Variants in AMPD3 observed in about 807,000 individuals in gnomAD.
AMPD3 encodes AMP deaminase 3.
A neutral mutation model predicts 82.3 loss-of-function variants in AMPD3; 57 were observed. The observed-to-expected ratio is 0.69, with a 90% confidence interval of 0.56 to 0.86. AMPD3 has a LOEUF of 0.86. AMPD3 is among the 40% of genes least tolerant of loss of function. AMPD3 has a pLI of 0.00. For missense variants in AMPD3, 870 were observed against 1,003.8 expected, an observed-to-expected ratio of 0.87 and a Z score of 1.80; for synonymous variants, 381 against 394.7, an observed-to-expected ratio of 0.97 and a Z score of 0.41.
chr11:10,488,321 C>G, intron 6 of AMPD3: 1 of 985,444 alleles, frequency 1.0e-6, no homozygotes, highest in South Asian at 4.7e-5. Flanking sequence ...TCCTGTCAAC[C>G]AGGTGGCTTT....
chr11:10,500,709 G>A, intron 11 of AMPD3: 5 of 984,862 alleles, frequency 5.1e-6, no homozygotes, highest in Non-Finnish European at 6.0e-6. Context: ...CATGCGATAG[G>A]CATTGCCCTG....
rs538987157 is a variant in AMPD3, at chr11:10,501,324, A to C, written c.1722-146A>C. The C allele has an allele frequency of 1.7e-4, 243 of 1,446,614 alleles. 5 individuals are homozygous for C. In the South Asian group the frequency reaches 3.3e-3, roughly 20 times the overall value. The allele number at this position is 1,446,614 out of a possible 1,614,324, so 89.6% of individuals were successfully genotyped here. The stretch of plus-strand genomic sequence containing the variant: ...AGGGCCTGGACCTCTGCATTTTAGG[A>C]GGGGTAGTTTCCAGGGTGCACTGGG... On this transcript the variant is annotated intron_variant, in intron 11 of 14. Coordinates refer to ENST00000396553, the MANE Select transcript of AMPD3 (RefSeq NM_001025389.2).
At chr11:10,481,345 T>A (rs1444164421) in intron 3 of AMPD3, 4 of 711,898 alleles carry the variant, frequency 5.6e-6, no homozygotes, top group Non-Finnish European at 6.9e-6. Flanking sequence ...CAACTGAAAA[T>A]GACGGTGCTC....
intron 2 of AMPD3, among the ~76,000 whole-genome samples, chr11:10,467,378 T>C (rs556265115): frequency 3.7e-4 from 57 of 152,148 alleles, no homozygotes; most frequent in African/African-American, 1.2e-3. Context: ...CATTCACAAG[T>C]ATGAATAGCT....
rs755713535 is a variant in AMPD3, at chr11:10,493,543, G to A, written c.1134G>A (p.Ala378=). 15 of 1,613,816 alleles carry A rather than the reference G, an allele frequency of 9.3e-6. No homozygotes were observed. Among genetic ancestry groups the A allele is most frequent in the Middle Eastern group, 1.7e-4 (1 of 6,060 alleles). Residue 378 remains alanine, a splice_region_variant and synonymous_variant, in exon 7 of 15, where the codon GCG becomes GCA. Transcript: ENST00000396553. The part of the protein sequence containing the change: ...DLTVDSLDVH[A]GRQTFHRFDK... Reference sequence around the variant, plus strand: ...CTGTGGACTCACTGGATGTCCACGCGGTGAGTGAGCTTCTGCTCCAGTGCC... The same window carrying A: ...CTGTGGACTCACTGGATGTCCACGCAGTGAGTGAGCTTCTGCTCCAGTGCC...
intron 6 of AMPD3, among the ~76,000 whole-genome samples, chr11:10,491,306 G>T (rs1384646146): frequency 1.3e-5 from 2 of 152,134 alleles, no homozygotes; most frequent in Non-Finnish European, 2.9e-5. Flanking sequence ...GCTTAGCTGG[G>T]GCTTCATTTC....
intron 13 of AMPD3, among the ~76,000 whole-genome samples, chr11:10,503,415 C>G (rs1446087781): frequency 1.3e-5 from 2 of 152,048 alleles, no homozygotes; most frequent in Admixed American, 1.3e-4. Flanking sequence ...GCAAGTATAC[C>G]CAGCATGTTT....
At chr11:10,460,186 C>T (rs1009775000) in intron 1 of AMPD3, among the ~76,000 whole-genome samples, 4 of 151,282 alleles carry the variant, frequency 2.6e-5, no homozygotes, top group Non-Finnish European at 5.9e-5. Flanking sequence ...CAGCCTCAAC[C>T]TCCCTGGCTC....
chr11:10,456,063 T>A lies in AMPD3; in HGVS notation c.-6+615T>A. The A allele has an allele frequency of 9.2e-7, 1 of 1,084,244 alleles. No individual in the cohort carries two copies. The highest frequency in any genetic ancestry group is 1.1e-6 in the Non-Finnish European group (1 of 892,582). 67.2% of individuals were successfully genotyped at this position (1,084,244 alleles called of 1,614,324 possible). A position where few individuals can be genotyped will look rare whatever the true frequency, so the allele number is the denominator to read the frequency against. On this transcript the variant is annotated intron_variant, in intron 1 of 14. Coordinates refer to ENST00000396553, the MANE Select transcript of AMPD3 (RefSeq NM_001025389.2). The surrounding 1 kb of genome is among the most constrained non-coding windows in gnomAD (Gnocchi z 4.3). Reference sequence around the variant, plus strand: ...AGAGGAAGCCGCCGCTTTAGTTTCCTCTTGTGAGGGCTGTGAAGAGGGCCA... The same window carrying A: ...AGAGGAAGCCGCCGCTTTAGTTTCCACTTGTGAGGGCTGTGAAGAGGGCCA...
At chr11:10,500,653 A>C in intron 11 of AMPD3, 1 of 985,440 alleles carries the variant, frequency 1.0e-6, no homozygotes, top group Non-Finnish European at 1.2e-6. Context: ...CCACACCAAC[A>C]ATGTCCACAC....
At chr11:10,478,473 T>C in intron 2 of AMPD3, 53 bp from the exon 3 acceptor site, 1 of 1,606,290 alleles carries the variant, frequency 6.2e-7, no homozygotes, top group East Asian at 2.2e-5. Flanking sequence ...TCTTTATCAC[T>C]CACCCCAATT....
At chr11:10,450,761 C>A, upstream of AMPD3, 1 of 1,156,302 alleles carries the variant, frequency 8.6e-7, no homozygotes, top group Non-Finnish European at 1.1e-6. Flanking sequence ...CGCTCCGCGC[C>A]CAGGTAGGGC....
intron 2 of AMPD3, among the ~76,000 whole-genome samples, chr11:10,467,368 C>T (rs958266693): frequency 1.3e-5 from 2 of 152,036 alleles, no homozygotes; most frequent in African/African-American, 4.8e-5. Context: ...CATTGTGAAG[C>T]ATTCACAAGT....
Position 10,502,822 on chromosome 11 carries a change from G to C in AMPD3, c.1944G>C (p.Leu648=). The change falls in exon 13 of 15, where the codon CTG becomes CTC. Residue 648 remains leucine, a synonymous_variant. Transcript: ENST00000396553. ...TCCTCGAATATTCCAAGAACCCTCT[G>C]AGGGAATTCCTACACAAGGGACTGC... ...SLFLEYSKNP[L]REFLHKGLHV... 1 of 1,614,182 alleles carries C rather than the reference G, an allele frequency of 6.2e-7. No homozygotes were observed. The highest frequency in any genetic ancestry group is 1.1e-5 in the South Asian group (1 of 91,082).
intron 6 of AMPD3, chr11:10,488,291 G>A: frequency 2.0e-6 from 2 of 985,452 alleles, no homozygotes; most frequent in African/African-American, 1.7e-5. Flanking sequence ...GGGGGTGTTT[G>A]ATGGTGAGCA....
chr11:10,500,281 G>A (rs1242768585), intron 11 of AMPD3, 32 bp downstream of exon 11: 2 of 1,612,920 alleles, frequency 1.2e-6, no homozygotes, highest in Non-Finnish European at 1.7e-6. Context: ...ACATGCTTGG[G>A]TTCATGTGTT....
rs777512181 is a variant in AMPD3, at chr11:10,501,596, C to G, written c.1842+6C>G. The G allele has an allele frequency of 3.1e-6, 5 of 1,614,064 alleles. No individual in the cohort carries two copies. The highest frequency in any genetic ancestry group is 3.4e-6 in the Non-Finnish European group (4 of 1,180,038). ...ACGGGCTGCTCCTCAAGAAGGTAAC[C>G]AGGTCACTCTCGGGAGCCCGTCCTG... is the stretch of plus-strand genomic sequence containing the variant. On this transcript the variant is annotated splice_donor_region_variant and intron_variant, in intron 12 of 14. Coordinates refer to ENST00000396553, the MANE Select transcript of AMPD3 (RefSeq NM_001025389.2).
At chr11:10,463,678 G>A (rs1045384889) in intron 2 of AMPD3, among the ~76,000 whole-genome samples, 1 of 152,228 alleles carries the variant, frequency 6.6e-6, no homozygotes, top group African/African-American at 2.4e-5. Context: ...TGAAGCGACT[G>A]TGCTCTTCTC....
rs1849615568 is a variant in AMPD3, at chr11:10,502,789, C to T, written c.1911C>T (p.Asn637=). Residue 637 remains asparagine, a synonymous_variant, in exon 13 of 15, where the codon AAC becomes AAT. Transcript: ENST00000396553. ...IPIAMSPLSN[N]SLFLEYSKNP... is the part of the protein sequence containing the mutation. ...TTGCCATGTCTCCTCTTAGCAACAA[C>T]AGTTTGTTCCTCGAATATTCCAAGA... is the stretch of plus-strand genomic sequence containing the variant. The T allele has an allele frequency of 6.2e-7, 1 of 1,614,082 alleles. No homozygotes were observed. Among genetic ancestry groups the T allele is most frequent in the East Asian group, 2.2e-5 (1 of 44,886 alleles).
Sources: allele counts gnomAD v4.1 joint callset (sites outside exome capture counted in the v4.1 genomes callset), GRCh38; gene constraint gnomAD v4.1.1; non-coding constraint Gnocchi (gnomAD v3.1); transcripts MANE v1.5; gene names NCBI Gene and HGNC (gene_info 2026-07-23, HGNC 2026-07-21).